Variants in CCDC63 observed in about 807,000 individuals in gnomAD.
CCDC63 encodes coiled-coil domain containing 63, also known as coiled-coil domain-containing protein 63.
In CCDC63, 54 loss-of-function variants were observed where a neutral mutation model predicts 63.6. The ratio of observed to expected loss-of-function variants is 0.85; its 90% CI spans 0.68 to 1.07. CCDC63 has a LOEUF of 1.07. Among genes scored for constraint, CCDC63 ranks in the 50% least tolerant of loss-of-function variants. CCDC63 has a pLI of 0.00. For missense variants in CCDC63, 637 were observed against 689.6 expected, an observed-to-expected ratio of 0.92 and a Z score of 0.86; for synonymous variants, 253 against 266.1, an observed-to-expected ratio of 0.95 and a Z score of 0.48.
intron 9 of CCDC63, among the ~76,000 whole-genome samples, chr12:110,897,726 C>T (rs2071431438): frequency 6.7e-6 from 1 of 149,858 alleles, no homozygotes; most frequent in African/African-American, 2.5e-5. Flanking sequence ...TCCTGTGGAC[C>T]ACCTTGTTTT....
At chr12:110,873,729 G>C (rs2071094169) in intron 4 of CCDC63, 113 bp from the exon 5 acceptor site, 1 of 1,328,526 alleles carries the variant, frequency 7.5e-7, no homozygotes, top group Non-Finnish European at 1.0e-6. Context: ...GTGAACTGTA[G>C]AGCTGGTACC....
At chr12:110,852,765 A>G in intron 1 of CCDC63, 94 bp from the exon 2 acceptor site, 11 of 766,516 alleles carry the variant, frequency 1.4e-5, no homozygotes, top group Non-Finnish European at 2.3e-5. Flanking sequence ...TGGGTGGAGG[A>G]AGGGATGGCA....
intron 9 of CCDC63, among the ~76,000 whole-genome samples, chr12:110,893,702 G>C (rs1455566376): frequency 6.6e-6 from 1 of 152,152 alleles, no homozygotes; most frequent in Non-Finnish European, 1.5e-5. Context: ...CAAGGAGCTG[G>C]GATATTGTAT....
chr12:110,883,943 A>G (rs2094574209), intron 7 of CCDC63, 87 bp from the exon 8 acceptor site: 5 of 1,066,466 alleles, frequency 4.7e-6, no homozygotes, highest in Admixed American at 1.8e-5. Context: ...CCTGGCCACA[A>G]TAATATTGAT....
chr12:110,885,369 T>G (rs1470046348), intron 8 of CCDC63, among the ~76,000 whole-genome samples: 1 of 152,206 alleles, frequency 6.6e-6, no homozygotes, highest in Non-Finnish European at 1.5e-5. Flanking sequence ...CTACCTTTGT[T>G]GAACCCATAA....
intron 9 of CCDC63, among the ~76,000 whole-genome samples, chr12:110,894,952 T>C (rs750263316): frequency 5.3e-5 from 8 of 152,256 alleles, no homozygotes; most frequent in Non-Finnish European, 1.2e-4. Flanking sequence ...TCTTACTCTG[T>C]TGCCCAGGCT....
intron 4 of CCDC63, among the ~76,000 whole-genome samples, chr12:110,859,447 C>T (rs556544371): frequency 6.6e-6 from 1 of 152,138 alleles, no homozygotes; most frequent in South Asian, 2.1e-4. Context: ...GCTGGGATTA[C>T]AGGCGTGCAC....
rs1177143123 is a variant in CCDC63, at chr12:110,853,272, T to A, written c.10-133T>A. ...CCATGTAATAGACAAGCAGCTGACA[T>A]CACCCAAGGGAAGGTCTTCCACTTC... On this transcript the variant is annotated intron_variant, in intron 2 of 11. Transcript: ENST00000308208. 3 of 871,028 alleles carry A rather than the reference T, an allele frequency of 3.4e-6. No homozygotes were observed. In the East Asian group the frequency reaches 7.9e-5, roughly 23 times the overall value. The allele number at this position is 871,028 out of a possible 1,614,324, so 54.0% of individuals were successfully genotyped here.
chr12:110,853,024 C>T (rs2070725293), intron 2 of CCDC63, 61 bp downstream of exon 2: 1 of 1,546,478 alleles, frequency 6.5e-7, no homozygotes, highest in Non-Finnish European at 8.9e-7. Flanking sequence ...CTGTGCCATC[C>T]ACTTTACACG....
intron 8 of CCDC63, among the ~76,000 whole-genome samples, chr12:110,885,967 GAAT>G (rs1181315170): frequency 6.6e-6 from 1 of 152,304 alleles, no homozygotes; most frequent in East Asian, 1.9e-4. Context: ...AGTAAACAAA[GAAT>G]AATAAACATA....
At chr12:110,896,183 C>G (rs893913755) in intron 9 of CCDC63, among the ~76,000 whole-genome samples, 2 of 152,130 alleles carry the variant, frequency 1.3e-5, no homozygotes, top group African/African-American at 4.8e-5. Flanking sequence ...CTCTGTCGCC[C>G]AGGCTGGAGT....
At chr12:110,881,608 G>A (rs990445789) in intron 7 of CCDC63, among the ~76,000 whole-genome samples, 10 of 152,050 alleles carry the variant, frequency 6.6e-5, no homozygotes, top group African/African-American at 2.4e-4. Flanking sequence ...TGTAATCCCA[G>A]CTACTTGGGA....
At chr12:110,876,234 T>C (rs1027983057) in intron 5 of CCDC63, among the ~76,000 whole-genome samples, 1 of 146,320 alleles carries the variant, frequency 6.8e-6, no homozygotes, top group Non-Finnish European at 1.5e-5. Flanking sequence ...AGGTCAGGTC[T>C]TTCCCCCCCA....
chr12:110,885,288 T>C (rs1205754604), intron 8 of CCDC63, among the ~76,000 whole-genome samples: 1 of 151,980 alleles, frequency 6.6e-6, no homozygotes, highest in Non-Finnish European at 1.5e-5. Flanking sequence ...TTTCGAGGAG[T>C]GAGAACTCAT....
chr12:110,867,622 G>A (rs1236260362), intron 4 of CCDC63, among the ~76,000 whole-genome samples: 2 of 132,668 alleles, frequency 1.5e-5, no homozygotes, highest in South Asian at 2.5e-4. Flanking sequence ...GCCGGGCAGA[G>A]GGGCTCCTCA....
At chr12:110,886,626 G>C (rs2071283742) in intron 8 of CCDC63, among the ~76,000 whole-genome samples, 1 of 152,078 alleles carries the variant, frequency 6.6e-6, no homozygotes, top group African/African-American at 2.4e-5. Flanking sequence ...CCAGGGGGTG[G>C]CAAATACCCC....
At chr12:110,864,758 T>G (rs1165265555) in intron 4 of CCDC63, among the ~76,000 whole-genome samples, 1 of 151,626 alleles carries the variant, frequency 6.6e-6, no homozygotes, top group Non-Finnish European at 1.5e-5. Context: ...CTTAGACCAG[T>G]GATGCTCTAT....
rs745568655 is a variant in CCDC63 at position 110,858,797 on chromosome 12, G to A, written c.369+22G>A. ...GAAGGTGTGGTCTTTCTCTTAAAGG[G>A]TTAACCAGAACACAGAGCAAAGGGG... On this transcript the variant is annotated intron_variant, in intron 4 of 11. Transcript: ENST00000308208. 3.7e-6 allele frequency: 6 copies of A among 1,605,576 alleles called. No individual in the cohort carries two copies. The South Asian group carries it at 6.7e-5, about 18-fold the overall frequency.
intron 1 of CCDC63, among the ~76,000 whole-genome samples, chr12:110,850,825 C>T (rs1271844880): frequency 6.6e-6 from 1 of 152,210 alleles, no homozygotes; most frequent in Non-Finnish European, 1.5e-5. Context: ...CCACTAGATA[C>T]TGCCTATACT....
Sources: allele counts gnomAD v4.1 joint callset (sites outside exome capture counted in the v4.1 genomes callset), GRCh38; gene constraint gnomAD v4.1.1; transcripts MANE v1.5; gene names NCBI Gene and HGNC (gene_info 2026-07-23, HGNC 2026-07-21).